The following TRIM66 variants were observed in gnomAD, a reference collection of about 807,000 sequenced individuals.
TRIM66 encodes tripartite motif-containing protein 66.
Under a neutral mutation model 148.2 loss-of-function variants are expected in TRIM66, and 99 were observed. The observed-to-expected ratio is 0.67, with a 90% CI of 0.57 to 0.79. The LOEUF is 0.79. Among genes scored for constraint, TRIM66 ranks in the 30% least tolerant of loss-of-function variants. The pLI is 0.00. For synonymous variants in TRIM66, 616 were observed against 635.9 expected (o/e 0.97, Z 0.47); for missense variants, 1,666 against 1,697.9 (o/e 0.98, Z 0.33).
chr11:8,646,669 G>C, intron 10 of TRIM66, 108 bp from the exon 11 acceptor site: 1 of 776,844 alleles, frequency 1.3e-6, no homozygotes, highest in South Asian at 1.6e-5. Flanking sequence ...CTGAGATCAG[G>C]GCCTAGCAGA....
chr11:8,639,828 CCT>C (rs142361237), intron 14 of TRIM66, among the ~76,000 whole-genome samples: 11 of 152,334 alleles, frequency 7.2e-5, no homozygotes, highest in Non-Finnish European at 8.8e-5. Context: ...CTGCCCTCCC[CCT>C]GTCTGGGATT....
At position 8,622,704 on chromosome 11, in the gene TRIM66, C is replaced by T. The variant is rs571599193; in HGVS notation, c.3080+112G>A. On this transcript the variant is annotated intron_variant, in intron 18 of 24. Transcript: ENST00000646038. ...GTTGAGGGGTTGAGGAAGGCAGTTGCAGGCAAATTTCTTCCACTTGTAGTT... is the reference window on the plus strand; with the variant it reads ...GTTGAGGGGTTGAGGAAGGCAGTTGTAGGCAAATTTCTTCCACTTGTAGTT... 82 of 994,198 alleles carry T rather than the reference C, an allele frequency of 8.2e-5. No individual in the cohort carries two copies. In the African/African-American group the frequency reaches 1.1e-3, roughly 13 times the overall value. 61.6% of individuals were successfully genotyped at this position (994,198 alleles called of 1,614,324 possible). A position where few individuals can be genotyped will look rare whatever the true frequency, so the allele number is the denominator to read the frequency against.
At position 8,621,790 on chromosome 11, in the gene TRIM66, T is replaced by C. The variant is rs751498229; in HGVS notation, c.3110A>G (p.Tyr1037Cys). ...RAFNSEHKIPYVRLERLKICA... is the reference protein window; with the variant it reads ...RAFNSEHKIPCVRLERLKICA... ...GATCTTGAGTCGCTCCAGTCGCACA[T>C]AGGGAATCTTATGCTCACTATTGAA... The change falls in exon 19 of 25, where the codon TAT (tyrosine) becomes TGT (cysteine). Residue 1037 changes from tyrosine (Y) to cysteine (C), a missense_variant. Physicochemically the swap from Tyr to Cys is radical, Grantham distance 194. Transcript: ENST00000646038. The C allele has an allele frequency of 2.1e-4, 320 of 1,549,764 alleles. No individual in the cohort carries two copies. The highest frequency in any genetic ancestry group is 2.5e-4 in the Non-Finnish European group (284 of 1,146,390).
intron 6 of TRIM66, among the ~76,000 whole-genome samples, chr11:8,670,443 G>C (rs909559021): frequency 3.3e-5 from 5 of 152,102 alleles, no homozygotes; most frequent in African/African-American, 1.2e-4. Context: ...AGAACATTAA[G>C]TATTTGGTTT....
intron 11 of TRIM66, 64 bp downstream of exon 11, chr11:8,646,383 G>T: frequency 7.4e-7 from 1 of 1,350,782 alleles, no homozygotes; most frequent in South Asian, 1.3e-5. Context: ...CCTAGGTCCT[G>T]GGACTAGCTT....
rs114905226 is a variant in TRIM66, at chr11:8,676,991, C to T, written c.-189-2108G>A. On this transcript the variant is annotated intron_variant, in intron 3 of 24. Transcript: ENST00000646038. The stretch of plus-strand genomic sequence containing the variant: ...AGTTAAATTTTAAAACATTGCCTTG[C>T]CACAAACCACCTCCTTTTAACATCT... 2.5e-3 allele frequency among the ~76,000 whole-genome samples: 387 copies of T among 152,226 alleles called. 2 individuals are homozygous for T. Among genetic ancestry groups the T allele is most frequent in the African/African-American group, 8.8e-3 (364 of 41,520 alleles).
In TRIM66 at chr11:8,624,713, C is replaced by T. The variant is rs538453577; in HGVS notation, c.2826G>A (p.Lys942=). 156 of 1,513,794 alleles carry T rather than the reference C, an allele frequency of 1.0e-4. No homozygotes were observed. Among genetic ancestry groups the T allele is most frequent in the Non-Finnish European group, 1.3e-4 (150 of 1,126,814 alleles). 93.8% of individuals were successfully genotyped at this position (1,513,794 alleles called of 1,614,324 possible). ...TGGATAGCATTTCCCCAGGACTTAC[C>T]TTACACAGAGCATTCTCCAGGGAGG... ...ADPSLENALC[K]MESEDSTRFT... The change falls in exon 16 of 25, where the codon AAG becomes AAA. Residue 942 remains lysine (K), a splice_region_variant and synonymous_variant. Transcript: ENST00000646038.
At position 8,651,848 on chromosome 11, in the gene TRIM66, T is replaced by A; in HGVS notation, c.396A>T (p.Glu132Asp). 6.4e-7 allele frequency: 1 copy of A among 1,551,750 alleles called. No homozygotes were observed. The highest frequency in any genetic ancestry group is 8.7e-7 in the Non-Finnish European group (1 of 1,147,008). The change falls in exon 7 of 25, where the codon GAA (glutamate) becomes GAT (aspartate). Residue 132 changes from glutamate to aspartate, a missense_variant. Coordinates refer to ENST00000646038, the MANE Select transcript of TRIM66 (RefSeq NM_001388022.1). ...ERVYLTRDVT[E>D]HFFLHCVPTE... ...TAGGAACACAATGCAGAAAAAAATG[T>A]TCAGTTACATCCCTGGTAAGATATA...
chr11:8,612,387 A>T lies in TRIM66; in HGVS notation c.*5557T>A, dbSNP rs1340875891. On this transcript the variant is annotated 3_prime_UTR_variant, in exon 25 of 25. Coordinates refer to ENST00000646038, the MANE Select transcript of TRIM66 (RefSeq NM_001388022.1). Reference sequence around the variant, plus strand: ...TATGTGGCCTGATCTTGAGAGTTAAAATCATAATTAACATCTTTACAGCTG... The same window carrying T: ...TATGTGGCCTGATCTTGAGAGTTAATATCATAATTAACATCTTTACAGCTG... 6.6e-6 allele frequency: 1 copy of T among 152,152 alleles called. No homozygotes were observed. The highest frequency in any genetic ancestry group is 1.5e-5 in the Non-Finnish European group (1 of 68,040). 9.4% of individuals were successfully genotyped at this position (152,152 alleles called of 1,614,324 possible).
chr11:8,654,969 T>A (rs2037690575), intron 6 of TRIM66, among the ~76,000 whole-genome samples: 1 of 152,184 alleles, frequency 6.6e-6, no homozygotes, highest in Admixed American at 6.5e-5. Context: ...CAAGCAATTA[T>A]CCCGCCTCAG....
intron 4 of TRIM66, among the ~76,000 whole-genome samples, chr11:8,672,627 T>C (rs2038991097): frequency 6.6e-6 from 1 of 150,514 alleles, no homozygotes; most frequent in Non-Finnish European, 1.5e-5. Context: ...CTCTTTTTTT[T>C]TTTTTTTTTT....
At chr11:8,668,668 C>A (rs757047269) in intron 6 of TRIM66, among the ~76,000 whole-genome samples, 2 of 151,848 alleles carry the variant, frequency 1.3e-5, no homozygotes, top group African/African-American at 2.4e-5. Flanking sequence ...TCACTGCAAT[C>A]TCCGCCTCCC....
intron 14 of TRIM66, among the ~76,000 whole-genome samples, chr11:8,639,833 C>A (rs2036207256): frequency 6.6e-6 from 1 of 152,204 alleles, no homozygotes; most frequent in South Asian, 2.1e-4. Context: ...CTCCCCCTGT[C>A]TGGGATTCAT....
intron 6 of TRIM66, among the ~76,000 whole-genome samples, chr11:8,667,021 A>G (rs1276819199): frequency 1.3e-5 from 2 of 152,052 alleles, no homozygotes. Flanking sequence ...GGGTTTCGCC[A>G]TGTTAACCAG....
chr11:8,620,171 C>G, intron 21 of TRIM66, 47 bp from the exon 22 acceptor site: 4 of 1,518,082 alleles, frequency 2.6e-6, no homozygotes, highest in Non-Finnish European at 3.6e-6. Flanking sequence ...CTGGTCTCAC[C>G]TCAGTATGAA....
At chr11:8,676,957 T>C (rs2039206561) in intron 3 of TRIM66, among the ~76,000 whole-genome samples, 1 of 152,232 alleles carries the variant, frequency 6.6e-6, no homozygotes, top group Non-Finnish European at 1.5e-5. Flanking sequence ...TTTTAAAATG[T>C]TAACAAAAAG....
Position 8,621,299 on chromosome 11 carries a change from TCAGA to T in TRIM66, c.3274_3277del (p.Ser1092ArgfsTer51), listed in dbSNP as rs1031508154. On this transcript the variant is annotated frameshift_variant, in exon 20 of 25. Coordinates refer to ENST00000646038, the MANE Select transcript of TRIM66 (RefSeq NM_001388022.1). LOFTEE classifies it high-confidence loss of function. ...CTCCAGACCTGGGGCCTGGGTGGCC[TCAGA>T]CAGTCTGTCCTGGCTGACCTTGGGG... The T allele has an allele frequency of 1.3e-6, 2 of 1,551,416 alleles. No homozygotes were observed. The highest frequency in any genetic ancestry group is 1.4e-5 in the African/African-American group (1 of 73,050).
intron 17 of TRIM66, 120 bp downstream of exon 17, chr11:8,624,239 C>T: frequency 1.7e-6 from 2 of 1,151,362 alleles, no homozygotes; most frequent in Non-Finnish European, 2.4e-6. Context: ...AATTCAGCCT[C>T]AGAGAGATGC....
Position 8,621,818 on chromosome 11 carries a change from C to A in TRIM66, c.3082G>T (p.Ala1028Ser). 6.5e-7 allele frequency: 1 copy of A among 1,539,888 alleles called. No homozygotes were observed. Among genetic ancestry groups the A allele is most frequent in the South Asian group, 1.2e-5 (1 of 81,840 alleles). ...LDAKENQSIR[A>S]FNSEHKIPYV... Reference sequence around the variant, plus strand: ...GGAATCTTATGCTCACTATTGAAGGCTCTGCAGCAAGACAGACACCCCGGG... The same window carrying A: ...GGAATCTTATGCTCACTATTGAAGGATCTGCAGCAAGACAGACACCCCGGG... The change falls in exon 19 of 25, where the codon GCC (alanine) becomes TCC (serine). Residue 1028 changes from alanine (A) to serine (S), a missense_variant and splice_region_variant. Around this residue, in one of 3 missense-constraint regions of TRIM66, gnomAD observed 1,431 missense variants for 1,412.4 expected, o/e 1.01. Coordinates refer to ENST00000646038, the MANE Select transcript of TRIM66 (RefSeq NM_001388022.1).
Sources: allele counts gnomAD v4.1 joint callset (sites outside exome capture counted in the v4.1 genomes callset), GRCh38; gene constraint gnomAD v4.1.1; regional missense constraint gnomAD v4.1.1; transcripts MANE v1.5; gene names NCBI Gene and HGNC (gene_info 2026-07-23, HGNC 2026-07-21).